C1GALT1: variants seen among roughly 807,000 people sequenced by gnomAD.
C1GALT1 encodes glycoprotein-N-acetylgalactosamine 3-beta-galactosyltransferase 1.
C1GALT1 carries 11 observed loss-of-function variants against 31.0 expected under a neutral mutation model. That is an observed-to-expected ratio of 0.36 (90% confidence interval 0.22 to 0.59). The LOEUF (loss-of-function observed/expected upper bound fraction) is 0.59. Among genes scored for constraint, C1GALT1 ranks in the 20% least tolerant of loss-of-function variants. The pLI is 0.79. For synonymous variants in C1GALT1, 175 were observed against 143.6 expected, an observed-to-expected ratio of 1.22 and a Z score of -1.56; for missense variants, 424 against 425.2, an observed-to-expected ratio of 1.00 and a Z score of 0.03.
intron 1 of C1GALT1, chr7:7,183,631 G>A (rs2128228942): frequency 1.0e-6 from 1 of 980,746 alleles, no homozygotes; most frequent in East Asian, 1.1e-4. Context: ...CCATAATTTA[G>A]CGCTGTGGAT....
intron 2 of C1GALT1, among the ~76,000 whole-genome samples, chr7:7,163,308 A>T (rs1780357698): frequency 6.6e-6 from 1 of 152,024 alleles, no homozygotes; most frequent in Non-Finnish European, 1.5e-5. Context: ...TATTGATGGG[A>T]TGTATCTCAA....
chr7:7,233,667 C>T (rs938475019), intron 1 of C1GALT1, among the ~76,000 whole-genome samples: 4 of 152,112 alleles, frequency 2.6e-5, no homozygotes, highest in African/African-American at 4.8e-5. Context: ...CAAAAGTAGC[C>T]GCAGTCAGTA....
chr7:7,186,130 T>C (rs1373276133), intron 1 of C1GALT1, among the ~76,000 whole-genome samples: 3 of 146,848 alleles, frequency 2.0e-5, no homozygotes, highest in Non-Finnish European at 4.5e-5. Context: ...GGGCCGAGCA[T>C]GCTAGCCCAG....
intron 1 of C1GALT1, among the ~76,000 whole-genome samples, chr7:7,225,432 A>G (rs967757206): frequency 6.6e-6 from 1 of 152,252 alleles, no homozygotes; most frequent in Non-Finnish European, 1.5e-5. Flanking sequence ...TTTAAAACTT[A>G]GATCTCAGCT....
chr7:7,192,973 A>C (rs1301566160), intron 1 of C1GALT1, among the ~76,000 whole-genome samples: 2 of 152,048 alleles, frequency 1.3e-5, no homozygotes, highest in Non-Finnish European at 1.5e-5. Flanking sequence ...TTGTCTATTC[A>C]TGTCCTTAGC....
intron 1 of C1GALT1, among the ~76,000 whole-genome samples, chr7:7,227,861 G>T (rs1782850170): frequency 6.6e-6 from 1 of 152,162 alleles, no homozygotes; most frequent in African/African-American, 2.4e-5. Flanking sequence ...TACCAGATGT[G>T]CCCCCTTTGG....
At chr7:7,234,661 G>T in intron 2 of C1GALT1, 122 bp downstream of exon 2, 1 of 706,370 alleles carries the variant, frequency 1.4e-6, no homozygotes, top group East Asian at 2.8e-5. Flanking sequence ...AATAATTCTT[G>T]GTTTGCCTCA....
chr7:7,244,140 T>G lies in C1GALT1; in HGVS notation c.*413T>G, dbSNP rs1783753819. On this transcript the variant is annotated 3_prime_UTR_variant, in exon 4 of 4. Coordinates refer to ENST00000436587, the MANE Select transcript of C1GALT1 (RefSeq NM_020156.5). ...AAGAAAATTTTAGAAAGAAATATTG[T>G]TGCTCAGTGTTGTTAATATAGCTCA... The G allele has an allele frequency of 6.5e-6, 1 of 154,036 alleles. No individual in the cohort carries two copies. The allele number at this position is 154,036 out of a possible 1,614,324, so 9.5% of individuals were successfully genotyped here.
At chr7:7,230,115 T>C (rs568076259) in intron 1 of C1GALT1, among the ~76,000 whole-genome samples, 1 of 152,306 alleles carries the variant, frequency 6.6e-6, no homozygotes, top group Non-Finnish European at 1.5e-5. Flanking sequence ...ATATAAGATA[T>C]ATAATGCAGC....
At position 7,234,515 on chromosome 7, in the gene C1GALT1, A is replaced by G. The variant is rs764112430; in HGVS notation, c.196A>G (p.Asn66Asp). The G allele has an allele frequency of 1.1e-5, 17 of 1,612,030 alleles. No homozygotes were observed. In the African/African-American group the frequency reaches 2.0e-4, roughly 19 times the overall value. ...QNHLEGQMNFNADSSQHKDEN... is the reference protein window; with the variant it reads ...QNHLEGQMNFDADSSQHKDEN... ...TCATCTAGAAGGACAAATGAACTTC[A>G]ATGCAGATTCTAGCCAACATAAAGG... The change falls in exon 2 of 4, where the codon AAT becomes GAT. Residue 66 changes from asparagine (N) to aspartate (D), a missense_variant. Physicochemically the swap from Asn to Asp is conservative, Grantham distance 23. This residue lies in a region of C1GALT1 where 189 missense variants were observed against 158.2 expected (regional missense o/e 1.19). Coordinates refer to ENST00000436587, the MANE Select transcript of C1GALT1 (RefSeq NM_020156.5).
chr7:7,238,436 G>A lies in C1GALT1; in HGVS notation c.402G>A (p.Leu134=). Residue 134 remains leucine, a synonymous_variant, in exon 3 of 4, where the codon CTG becomes CTA. Coordinates refer to ENST00000436587, the MANE Select transcript of C1GALT1 (RefSeq NM_020156.5). The surrounding 1 kb of genome is among the most constrained non-coding windows in gnomAD (Gnocchi z 5.2). ...ATAAAGACTTCCCTGCTGTGGGACT[G>A]AAAACCAAAGAAGGCAGAGATCAAC... The part of the protein sequence containing the change: ...EENKDFPAVG[L]KTKEGRDQLY... 2 of 1,613,902 alleles carry A rather than the reference G, an allele frequency of 1.2e-6. No individual in the cohort carries two copies. The highest frequency in any genetic ancestry group is 8.5e-7 in the Non-Finnish European group (1 of 1,179,958).
intron 1 of C1GALT1, among the ~76,000 whole-genome samples, chr7:7,233,374 C>A (rs1295971147): frequency 6.6e-6 from 1 of 152,116 alleles, no homozygotes; most frequent in Non-Finnish European, 1.5e-5. Flanking sequence ...AGTGATTCTC[C>A]CACCTTATTC....
Position 7,182,655 on chromosome 7 carries a change from C to T in C1GALT1, c.-183C>T, listed in dbSNP as rs927852490. On this transcript the variant is annotated 5_prime_UTR_variant, in exon 1 of 4. Transcript: ENST00000436587. ...GCGCTGGGCCCGCCTTGGCCGCCGC[C>T]GCTGTGCTGCCGCTGCCGGGGAATA... The T allele has an allele frequency of 2.6e-4, 86 of 331,832 alleles. No homozygotes were observed. The highest frequency in any genetic ancestry group is 3.5e-4 in the Non-Finnish European group (81 of 232,482). 20.6% of individuals were successfully genotyped at this position (331,832 alleles called of 1,614,324 possible).
At chr7:7,242,217 T>C (rs1783663605) in intron 3 of C1GALT1, among the ~76,000 whole-genome samples, 1 of 151,804 alleles carries the variant, frequency 6.6e-6, no homozygotes, top group Admixed American at 6.6e-5. Flanking sequence ...TCACTTTTTT[T>C]TTTTTTTTTT....
At chr7:7,169,320 C>T (rs1329513626) in intron 2 of C1GALT1, among the ~76,000 whole-genome samples, 2 of 152,138 alleles carry the variant, frequency 1.3e-5, no homozygotes, top group East Asian at 3.8e-4. Context: ...AACAAACGTT[C>T]ATGTACAAAT....
intron 1 of C1GALT1, among the ~76,000 whole-genome samples, chr7:7,195,000 C>T (rs1781223156): frequency 6.6e-6 from 1 of 152,116 alleles, no homozygotes; most frequent in South Asian, 2.1e-4. Flanking sequence ...TTTTGTATTT[C>T]TGTGGTATCA....
At chr7:7,237,962 C>T (rs1258808224) in intron 2 of C1GALT1, among the ~76,000 whole-genome samples, 1 of 152,184 alleles carries the variant, frequency 6.6e-6, no homozygotes, top group African/African-American at 2.4e-5. Context: ...GCATTTCTAA[C>T]AGGCTCCCAG....
chr7:7,192,214 T>C (rs1051173525), intron 1 of C1GALT1, among the ~76,000 whole-genome samples: 4 of 151,920 alleles, frequency 2.6e-5, no homozygotes, highest in African/African-American at 9.7e-5. Flanking sequence ...TTTTTGGTAA[T>C]GATTTTTGAG....
intron 2 of C1GALT1, among the ~76,000 whole-genome samples, chr7:7,175,235 C>G (rs1463337759): frequency 6.6e-6 from 1 of 152,222 alleles, no homozygotes; most frequent in East Asian, 1.9e-4. Context: ...AAGACTCTGT[C>G]CCTTAGCCTG....
Sources: allele counts gnomAD v4.1 joint callset (sites outside exome capture counted in the v4.1 genomes callset), GRCh38; gene constraint gnomAD v4.1.1; regional missense constraint gnomAD v4.1.1; non-coding constraint Gnocchi (gnomAD v3.1); transcripts MANE v1.5; gene names NCBI Gene and HGNC (gene_info 2026-07-23, HGNC 2026-07-21).